The following MACF1 variants were observed in gnomAD, a reference collection of about 807,000 sequenced individuals.
MACF1 encodes microtubule-actin cross-linking factor 1.
In MACF1, 193 loss-of-function variants were observed where a neutral mutation model predicts 854.8. That is an observed-to-expected ratio of 0.23 (90% CI 0.20 to 0.25). The LOEUF is 0.25. Among genes scored for constraint, MACF1 ranks in the 10% least tolerant of loss-of-function variants. The pLI, the probability that MACF1 is intolerant of heterozygous loss-of-function variation, is 1.00. For synonymous variants in MACF1, 3,185 were observed against 3,226.7 expected (o/e 0.99, Z 0.44); for missense variants, 7,722 against 8,929.1 (o/e 0.86, Z 5.45).
rs1376838861 is a variant in MACF1 at position 39,123,709 on chromosome 1, C to CTTA, written c.220+39273_220+39274insATT. Among the ~76,000 whole-genome samples, 23 of 94,460 alleles carry CTTA rather than the reference C, an allele frequency of 2.4e-4. 1 individual carries two copies. Among genetic ancestry groups the CTTA allele is most frequent in the Admixed American group, 4.4e-4 (3 of 6,860 alleles). The allele number at this position is 94,460 out of a possible 152,430, so 62.0% of individuals were successfully genotyped here. On this transcript the variant is annotated intron_variant, in intron 2 of 93. Transcript: ENST00000361689. ...CTCGTGCCACCATGCCCGGCTAATT[C>CTTA]TTGTTTTGTTTTTTTTTTTTTTTTT... is the stretch of plus-strand genomic sequence containing the variant.
chr1:39,303,628 G>T (rs1414163154), intron 23 of MACF1, among the ~76,000 whole-genome samples: 1 of 150,798 alleles, frequency 6.6e-6, no homozygotes, highest in African/African-American at 2.4e-5. Flanking sequence ...GAGGGAGGCG[G>T]ATCACTTGAG....
chr1:39,376,815 A>G (rs1010685427), intron 52 of MACF1, among the ~76,000 whole-genome samples: 1 of 151,798 alleles, frequency 6.6e-6, no homozygotes, highest in African/African-American at 2.4e-5. Flanking sequence ...TCCTAGGCCC[A>G]CGCAATCAGC....
At chr1:39,188,493 A>G (rs1221231941) in intron 2 of MACF1, among the ~76,000 whole-genome samples, 4 of 152,212 alleles carry the variant, frequency 2.6e-5, no homozygotes, top group Non-Finnish European at 5.9e-5. Flanking sequence ...ATAACCAGGT[A>G]GAGGAGGTTG....
chr1:39,187,204 C>T (rs1242626464), intron 2 of MACF1, among the ~76,000 whole-genome samples: 1 of 152,004 alleles, frequency 6.6e-6, no homozygotes, highest in East Asian at 1.9e-4. Flanking sequence ...GATTACATTT[C>T]CTTTTTGGAC....
chr1:39,094,730 A>AG (rs992506713), intron 2 of MACF1, among the ~76,000 whole-genome samples: 1 of 151,716 alleles, frequency 6.6e-6, no homozygotes, highest in Non-Finnish European at 1.5e-5. Flanking sequence ...AAAAAAAAAA[A>AG]GAAAAAAAGA....
At chr1:39,162,111 G>A (rs794642) in intron 2 of MACF1, among the ~76,000 whole-genome samples, 15,494 of 150,894 alleles carry the variant, frequency 0.1, 2,133 homozygotes, top group African/African-American at 0.32. Context: ...AGCAATTCTT[G>A]TACCTCAGCC....
At chr1:39,434,738 G>C in intron 69 of MACF1, 106 bp downstream of exon 69, 3 of 904,896 alleles carry the variant, frequency 3.3e-6, no homozygotes, top group Non-Finnish European at 5.0e-6. Flanking sequence ...GTGTTACGAA[G>C]TTAATTCTTA....
chr1:39,122,982 A>G (rs571428318), intron 2 of MACF1, among the ~76,000 whole-genome samples: 1 of 152,222 alleles, frequency 6.6e-6, no homozygotes, highest in African/African-American at 2.4e-5. Flanking sequence ...AGAGGAGGGA[A>G]TAGCAAAAGT....
intron 2 of MACF1, among the ~76,000 whole-genome samples, chr1:39,134,034 CTTTTT>C (rs754585049): frequency 1.4e-5 from 1 of 71,602 alleles, no homozygotes; most frequent in Admixed American, 2.3e-4. Flanking sequence ...GAAGAACAGT[CTTTTT>C]TTTTTTTTTT....
At chr1:39,399,748 G>A (rs1182481700) in intron 58 of MACF1, among the ~76,000 whole-genome samples, 1 of 151,998 alleles carries the variant, frequency 6.6e-6, no homozygotes, top group African/African-American at 2.4e-5. Context: ...TAACTCACTT[G>A]GCTTTTATCA....
At chr1:39,156,476 A>T (rs80297879) in intron 2 of MACF1, among the ~76,000 whole-genome samples, 4,716 of 152,220 alleles carry the variant, frequency 0.031, 237 homozygotes, top group African/African-American at 0.11. Flanking sequence ...AAAATTAGCG[A>T]GGCATAGTGA....
At chr1:39,358,911 C>G (rs1172073747) in intron 46 of MACF1, 38 bp downstream of exon 46, 2 of 1,566,534 alleles carry the variant, frequency 1.3e-6, no homozygotes, top group Non-Finnish European at 1.7e-6. Flanking sequence ...GTGTCAAGAC[C>G]TTGTATTCCA....
At chr1:39,447,920 C>A in intron 82 of MACF1, 22 bp downstream of exon 82, 2 of 1,613,164 alleles carry the variant, frequency 1.2e-6, no homozygotes, top group Non-Finnish European at 1.7e-6. Flanking sequence ...AAGAAAGATA[C>A]TAATTCACTG....
intron 2 of MACF1, among the ~76,000 whole-genome samples, chr1:39,185,640 G>A (rs989633103): frequency 3.3e-5 from 5 of 152,136 alleles, no homozygotes; most frequent in African/African-American, 9.7e-5. Flanking sequence ...TAATTGTTAC[G>A]TTCTTCTGGC....
At chr1:39,287,587 G>T in intron 15 of MACF1, 25 bp downstream of exon 15, 1 of 1,612,918 alleles carries the variant, frequency 6.2e-7, no homozygotes, top group Non-Finnish European at 8.5e-7. Context: ...AAAAGCTTAT[G>T]CAGTACACTG....
chr1:39,310,641 C>G (rs1038889855), intron 25 of MACF1, among the ~76,000 whole-genome samples, 190 bp from the exon 26 acceptor site: 2 of 152,216 alleles, frequency 1.3e-5, no homozygotes, highest in African/African-American at 4.8e-5. Flanking sequence ...TGCTCATCAA[C>G]CTATCACATT....
intron 49 of MACF1, 145 bp from the exon 50 acceptor site, chr1:39,368,003 G>GT (rs3832005): frequency 4.4e-5 from 22 of 502,672 alleles, no homozygotes; most frequent in South Asian, 1.6e-4. Flanking sequence ...ATGTTTGTTT[G>GT]TTTTTTTTAA....
chr1:39,480,999 A>C lies in MACF1; in HGVS notation c.22250A>C (p.His7417Pro). 6.4e-7 allele frequency: 1 copy of C among 1,550,768 alleles called. No individual in the cohort carries two copies. Among genetic ancestry groups the C allele is most frequent in the South Asian group, 1.2e-5 (1 of 84,060 alleles). The change falls in exon 99 of 101, where the codon CAT becomes CCT. Residue 7417 changes from histidine (H) to proline (P), a missense_variant. Physicochemically the swap from His to Pro is moderately conservative, Grantham distance 77 (BLOSUM62 -2). Transcript: ENST00000564288. ...GCTGGCACCCCTATCAGGGACAGCC[A>C]TTCTCCTGACCTCCAGCTGCCCACC... is the stretch of plus-strand genomic sequence containing the variant. ...SKAGTPIRDS[H>P]SPDLQLPTPE...
chr1:39,220,498 T>TTTTTTG lies in MACF1; in HGVS notation c.110-10682_110-10681insTTTGTT, dbSNP rs1313068383. Among the ~76,000 whole-genome samples, 4 of 149,002 alleles carry TTTTTTG rather than the reference T, an allele frequency of 2.7e-5. No individual in the cohort carries two copies. The Admixed American group carries it at 2.7e-4, about 10-fold the overall frequency. On this transcript the variant is annotated intron_variant, in intron 1 of 100. Transcript: ENST00000564288. ...TTTAATGAATTTTTTTTTTTTTTTT[T>TTTTTTG]TTAAGACAGAATCTTACTCTGCCAC...
Sources: allele counts gnomAD v4.1 joint callset (sites outside exome capture counted in the v4.1 genomes callset), GRCh38; gene constraint gnomAD v4.1.1; transcripts MANE v1.5; gene names NCBI Gene and HGNC (gene_info 2026-07-23, HGNC 2026-07-21).